The following TRPV1 variants were observed in gnomAD, a reference collection of about 807,000 sequenced individuals.
The protein encoded by TRPV1 is transient receptor potential cation channel subfamily V member 1.
Under a neutral mutation model 82.3 loss-of-function variants are expected in TRPV1, and 82 were observed. That is an observed-to-expected ratio of 1.00 (90% CI 0.83 to 1.20). TRPV1 has a LOEUF of 1.20. TRPV1 is among the 50% of genes most tolerant of loss of function. The pLI, the probability that TRPV1 is intolerant of heterozygous loss-of-function variation, is 0.00. For missense variants in TRPV1, 1,067 were observed against 1,096.8 expected (o/e 0.97, Z 0.38); for synonymous variants, 515 against 467.7 (o/e 1.10, Z -1.30).
At position 3,585,918 on chromosome 17, in the gene TRPV1, G is replaced by C. The variant is rs574117616; in HGVS notation, c.1233C>G (p.His411Gln). ...AYSSSETPNR[H>Q]DMLLVEPLNR... Reference sequence around the variant, plus strand: ...TCAGCGGCTCCACCAAGAGCATGTCGTGGCGATTCTAGGGGGTGGGGAGAG... The same window carrying C: ...TCAGCGGCTCCACCAAGAGCATGTCCTGGCGATTCTAGGGGGTGGGGAGAG... Residue 411 changes from histidine to glutamine, a missense_variant, in exon 9 of 17, where the codon CAC (histidine) becomes CAG (glutamine). Physicochemically the swap from His to Gln is conservative, Grantham distance 24. Coordinates refer to ENST00000572705, the MANE Select transcript of TRPV1 (RefSeq NM_080704.4). 6.2e-7 allele frequency: 1 copy of C among 1,613,632 alleles called. No individual in the cohort carries two copies. Among genetic ancestry groups the C allele is most frequent in the Non-Finnish European group, 8.5e-7 (1 of 1,179,760 alleles).
intron 16 of TRPV1, among the ~76,000 whole-genome samples, chr17:3,568,499 G>A (rs1439498740): frequency 2.0e-5 from 3 of 152,210 alleles, no homozygotes; most frequent in Middle Eastern, 3.4e-3. Flanking sequence ...TCACACGATC[G>A]CAGGAGGCCT....
chr17:3,578,022 A>G, intron 11 of TRPV1: 1 of 344,320 alleles, frequency 2.9e-6, no homozygotes, highest in Non-Finnish European at 5.5e-6. Context: ...TAGTACCTAA[A>G]GGCCAGGCGC....
rs538646670 is a variant in TRPV1 at position 3,586,895 on chromosome 17, C to G, written c.1225-969G>C. Reference sequence around the variant, plus strand: ...AACCCCCACCCCAAACTTAAGCTCCCTCAAAGAGGTTCCTGATCAGTGTCT... The same window carrying G: ...AACCCCCACCCCAAACTTAAGCTCCGTCAAAGAGGTTCCTGATCAGTGTCT... On this transcript the variant is annotated intron_variant, in intron 8 of 16. Transcript: ENST00000572705. 9.7e-4 allele frequency among the ~76,000 whole-genome samples: 148 copies of G among 152,300 alleles called. 1 individual carries two copies. Among genetic ancestry groups the G allele is most frequent in the Non-Finnish European group, 1.8e-3 (125 of 68,020 alleles).
chr17:3,580,410 G>A (rs201373789), intron 11 of TRPV1, 47 bp downstream of exon 11: 3 of 1,602,002 alleles, frequency 1.9e-6, no homozygotes, highest in East Asian at 2.2e-5. Context: ...AGAACTGATT[G>A]CGGTCACCTG....
intron 8 of TRPV1, among the ~76,000 whole-genome samples, chr17:3,587,534 C>A (rs928354949): frequency 1.3e-5 from 2 of 152,140 alleles, no homozygotes. Context: ...AAAATAAGTT[C>A]TTGGCCTGGC....
At chr17:3,569,105 CG>C (rs901133321) in intron 16 of TRPV1, among the ~76,000 whole-genome samples, 63 of 144,200 alleles carry the variant, frequency 4.4e-4, no homozygotes, top group Admixed American at 3.7e-3. Context: ...CATCACACAC[CG>C]GGGCCTGTTG....
At chr17:3,601,604 C>T (rs1247717593) in intron 2 of TRPV1, among the ~76,000 whole-genome samples, 2 of 151,780 alleles carry the variant, frequency 1.3e-5, no homozygotes, top group Non-Finnish European at 2.9e-5. Flanking sequence ...TCATTTCTCA[C>T]CTTTTTTTTT....
chr17:3,573,654 G>T lies in TRPV1; in HGVS notation c.2082C>A (p.Ser694Arg), dbSNP rs775702760. ...GETVNKIAQE[S>R]KNIWKLQRAI... Reference sequence around the variant, plus strand: ...CCACCTGCAGCTTCCAGATGTTCTTGCTCTCCTGTGCGATCTTGTTGACAG... The same window carrying T: ...CCACCTGCAGCTTCCAGATGTTCTTTCTCTCCTGTGCGATCTTGTTGACAG... Residue 694 changes from serine to arginine, a missense_variant, in exon 14 of 17, where the codon AGC becomes AGA. By Grantham distance (110) the Ser-to-Arg change is moderately radical. Coordinates refer to ENST00000572705, the MANE Select transcript of TRPV1 (RefSeq NM_080704.4). 1.2e-6 allele frequency: 2 copies of T among 1,612,944 alleles called. No individual in the cohort carries two copies. The highest frequency in any genetic ancestry group is 1.7e-6 in the Non-Finnish European group (2 of 1,179,744).
At chr17:3,577,815 C>A in intron 11 of TRPV1, 52 bp from the exon 12 acceptor site, 2 of 1,537,538 alleles carry the variant, frequency 1.3e-6, no homozygotes, top group East Asian at 2.4e-5. Flanking sequence ...GGAGGCCTGG[C>A]ACCCCCAGAA....
intron 12 of TRPV1, 76 bp downstream of exon 12, chr17:3,577,522 G>A: frequency 1.3e-6 from 2 of 1,482,626 alleles, no homozygotes; most frequent in Non-Finnish European, 1.8e-6. Context: ...AGGATGGGCG[G>A]AGTTCTTGGC....
chr17:3,583,919 T>C (rs2075051734), intron 9 of TRPV1, among the ~76,000 whole-genome samples: 1 of 152,154 alleles, frequency 6.6e-6, no homozygotes, highest in African/African-American at 2.4e-5. Context: ...TGGGTCACCA[T>C]CCACATTTCC....
chr17:3,593,537 C>T (rs140443922), intron 2 of TRPV1, among the ~76,000 whole-genome samples: 4 of 152,198 alleles, frequency 2.6e-5, no homozygotes, highest in Non-Finnish European at 5.9e-5. Flanking sequence ...CTATTCCCAT[C>T]GGGTCTCCAC....
chr17:3,595,327 G>A (rs570218532), intron 2 of TRPV1, among the ~76,000 whole-genome samples: 1 of 152,266 alleles, frequency 6.6e-6, no homozygotes, highest in South Asian at 2.1e-4. Context: ...ATGGAACCCG[G>A]ACTTGACCCC....
At chr17:3,585,545 G>A (rs2075073137) in intron 9 of TRPV1, 2 of 550,948 alleles carry the variant, frequency 3.6e-6, no homozygotes, top group Non-Finnish European at 6.4e-6. Flanking sequence ...TAAAGGAGAG[G>A]AACTGAGAAG....
chr17:3,573,551 C>CCCCCCCCCCCCCCCCG lies in TRPV1; in HGVS notation c.2103+81_2103+82insCGGGGGGGGGGGGGGG. On this transcript the variant is annotated intron_variant, in intron 14 of 16. Coordinates refer to ENST00000572705, the MANE Select transcript of TRPV1 (RefSeq NM_080704.4). ...CACACCGCCCCCACCACCCACCCAC[C>CCCCCCCCCCCCCCCCG]TGCAGCCAGCTGTGTAAGACAGCAG... 2.0e-5 allele frequency: 13 copies of CCCCCCCCCCCCCCCCG among 635,234 alleles called. No homozygotes were observed. The South Asian group carries it at 2.4e-4, about 12-fold the overall frequency. 39.3% of individuals were successfully genotyped at this position (635,234 alleles called of 1,614,324 possible).
chr17:3,592,975 A>G (rs1212941146), intron 2 of TRPV1: 1 of 152,540 alleles, frequency 6.6e-6, no homozygotes, highest in Non-Finnish European at 1.5e-5. Flanking sequence ...TTGCTCTTCA[A>G]CCTCGCTGCC....
At chr17:3,580,892 A>T (rs1303190517) in intron 10 of TRPV1, among the ~76,000 whole-genome samples, 1 of 151,938 alleles carries the variant, frequency 6.6e-6, no homozygotes, top group Non-Finnish European at 1.5e-5. Flanking sequence ...GGTGGCGGGC[A>T]CCTGTAATCC....
intron 16 of TRPV1, among the ~76,000 whole-genome samples, chr17:3,567,389 A>AAAGAAG (rs1567654851): frequency 6.7e-6 from 1 of 149,400 alleles, no homozygotes. Flanking sequence ...AAAAAAAAAA[A>AAAGAAG]AAGAAGAAGA....
intron 13 of TRPV1, among the ~76,000 whole-genome samples, chr17:3,575,572 G>C (rs1361362141): frequency 6.6e-6 from 1 of 151,998 alleles, no homozygotes; most frequent in East Asian, 1.9e-4. Context: ...AACTCCTGGT[G>C]AAAGTCTGAT....
Sources: allele counts gnomAD v4.1 joint callset (sites outside exome capture counted in the v4.1 genomes callset), GRCh38; gene constraint gnomAD v4.1.1; transcripts MANE v1.5; gene names NCBI Gene and HGNC (gene_info 2026-07-23, HGNC 2026-07-21).